Variants in SPRED1 observed in about 807,000 individuals in gnomAD.
SPRED1 encodes sprouty-related, EVH1 domain-containing protein 1.
A neutral mutation model predicts 52.3 loss-of-function variants in SPRED1; 18 were observed. That is an observed-to-expected ratio of 0.34 (90% CI 0.24 to 0.51). SPRED1 has a LOEUF of 0.51. Among genes scored for constraint, SPRED1 ranks in the 20% least tolerant of loss-of-function variants. The probability of loss-of-function intolerance (pLI) is 0.97; values close to 1 mark genes in which losing one functional copy is unlikely to be tolerated. For synonymous variants in SPRED1, 155 were observed against 179.7 expected (o/e 0.86, Z 1.10); for missense variants, 485 against 551.0 (o/e 0.88, Z 1.20).
intron 2 of SPRED1, among the ~76,000 whole-genome samples, chr15:38,320,262 A>G (rs1270815877): frequency 6.6e-6 from 1 of 152,204 alleles, no homozygotes; most frequent in Non-Finnish European, 1.5e-5. Flanking sequence ...AGAGATTCCT[A>G]GTCCATGATC....
intron 2 of SPRED1, among the ~76,000 whole-genome samples, chr15:38,310,354 T>C (rs1359419194): frequency 6.6e-6 from 1 of 152,130 alleles, no homozygotes; most frequent in Non-Finnish European, 1.5e-5. Context: ...TTGACCAGGC[T>C]TGTCTTGAAC....
In SPRED1 at chr15:38,286,122, A is replaced by G. The variant is rs144175495; in HGVS notation, c.33-13251A>G. Among the ~76,000 whole-genome samples the G allele has an allele frequency of 8.8e-3, 1,308 of 148,008 alleles. 7 individuals are homozygous for G. Among genetic ancestry groups the G allele is most frequent in the Non-Finnish European group, 0.015 (989 of 67,274 alleles). On this transcript the variant is annotated intron_variant, in intron 1 of 6. Transcript: ENST00000299084. ...TAGCCAGGTATGGTGGCAGGTGCCT[A>G]TGGTCACGCCTACTGAGCTGAAAAG...
chr15:38,299,699 T>A, intron 2 of SPRED1, 152 bp downstream of exon 2: 1 of 779,034 alleles, frequency 1.3e-6, no homozygotes, highest in Non-Finnish European at 2.1e-6. Context: ...AAATACAACA[T>A]TTTTTTTTCA....
At chr15:38,343,799 A>G (rs1367388652) in intron 5 of SPRED1, among the ~76,000 whole-genome samples, 2 of 152,160 alleles carry the variant, frequency 1.3e-5, no homozygotes, top group Non-Finnish European at 1.5e-5. Context: ...TGTGCTAGAT[A>G]CTGTTTTAAG....
At chr15:38,308,335 T>C (rs771042157) in intron 2 of SPRED1, among the ~76,000 whole-genome samples, 21 of 152,232 alleles carry the variant, frequency 1.4e-4, no homozygotes, top group Non-Finnish European at 2.9e-4. Flanking sequence ...TTTCTGTTGA[T>C]ACAATCTATC....
intron 1 of SPRED1, among the ~76,000 whole-genome samples, chr15:38,258,066 A>G (rs187665146): frequency 2.8e-4 from 43 of 152,342 alleles, no homozygotes; most frequent in Middle Eastern, 3.4e-3. Context: ...TAAGAGTAGT[A>G]GTTTATTTCA....
intron 2 of SPRED1, among the ~76,000 whole-genome samples, chr15:38,300,335 T>TA (rs1237386202): frequency 1.3e-5 from 2 of 152,192 alleles, no homozygotes; most frequent in Non-Finnish European, 2.9e-5. Context: ...AGCATACACT[T>TA]AGACGCAAAA....
At chr15:38,274,795 T>A (rs1482316215) in intron 1 of SPRED1, among the ~76,000 whole-genome samples, 1 of 152,238 alleles carries the variant, frequency 6.6e-6, no homozygotes, top group South Asian at 2.1e-4. Flanking sequence ...TGAAGAGTAC[T>A]GGCCAGGAAT....
intron 2 of SPRED1, among the ~76,000 whole-genome samples, chr15:38,321,555 A>G (rs911728105): frequency 6.6e-6 from 1 of 152,136 alleles, no homozygotes; most frequent in Admixed American, 6.6e-5. Flanking sequence ...CACAAAATAT[A>G]AATACGTCTT....
At chr15:38,275,937 T>C (rs1894542818) in intron 1 of SPRED1, among the ~76,000 whole-genome samples, 3 of 152,238 alleles carry the variant, frequency 2.0e-5, no homozygotes, top group Admixed American at 1.3e-4. Context: ...TCTTTCCACT[T>C]ACTCTCCTGT....
intron 5 of SPRED1, among the ~76,000 whole-genome samples, chr15:38,346,278 G>A (rs1896133172): frequency 6.7e-6 from 1 of 150,086 alleles, no homozygotes; most frequent in South Asian, 2.1e-4. Flanking sequence ...GTACGCCATT[G>A]CACCCAACCT....
intron 2 of SPRED1, among the ~76,000 whole-genome samples, chr15:38,302,264 A>G (rs1895161819): frequency 6.6e-6 from 1 of 152,200 alleles, no homozygotes; most frequent in Non-Finnish European, 1.5e-5. Flanking sequence ...GATGGCCCTT[A>G]TCAGTTATGA....
chr15:38,270,467 G>A (rs564267552), intron 1 of SPRED1, among the ~76,000 whole-genome samples: 3 of 152,216 alleles, frequency 2.0e-5, no homozygotes, highest in African/African-American at 7.2e-5. Context: ...TAAGAAAAGA[G>A]GTTTAATTAA....
chr15:38,329,761 G>T (rs1229904701), intron 4 of SPRED1, among the ~76,000 whole-genome samples: 1 of 152,050 alleles, frequency 6.6e-6, no homozygotes, highest in Non-Finnish European at 1.5e-5. Flanking sequence ...GAATATTTCT[G>T]CTTAGGTTTT....
chr15:38,314,858 T>TC (rs907229111), intron 2 of SPRED1, among the ~76,000 whole-genome samples: 1 of 151,886 alleles, frequency 6.6e-6, no homozygotes, highest in African/African-American at 2.4e-5. Flanking sequence ...TTCCTTTTTT[T>TC]CTCCCTCCTT....
intron 2 of SPRED1, among the ~76,000 whole-genome samples, chr15:38,302,373 C>G (rs147866002): frequency 7.2e-5 from 11 of 151,912 alleles, no homozygotes; most frequent in Admixed American, 5.2e-4. Flanking sequence ...ATATACTTTA[C>G]TGTTTTATTT....
chr15:38,267,229 A>T (rs1319814154), intron 1 of SPRED1, among the ~76,000 whole-genome samples: 1 of 46,074 alleles, frequency 2.2e-5, no homozygotes, highest in African/African-American at 5.8e-5. Flanking sequence ...CTAGTTTTTA[A>T]ATAATCATTT....
At position 38,355,698 on chromosome 15, in the gene SPRED1, G is replaced by A. The variant is rs1487624780; in HGVS notation, c.*4034G>A. On this transcript the variant is annotated 3_prime_UTR_variant, in exon 7 of 7. Transcript: ENST00000299084. ...TCCACATAAAACTTAGAAAACTTTA[G>A]TTACCTGAAAAGCAAGGATTCTTTA... 1 of 152,150 alleles carries A rather than the reference G, an allele frequency of 6.6e-6. No individual in the cohort carries two copies. Among genetic ancestry groups the A allele is most frequent in the Non-Finnish European group, 1.5e-5 (1 of 68,014 alleles). 9.4% of individuals were successfully genotyped at this position (152,150 alleles called of 1,614,324 possible). A position where few individuals can be genotyped will look rare whatever the true frequency, so the allele number is the denominator to read the frequency against.
chr15:38,343,396 A>G (rs1896066490), intron 5 of SPRED1, among the ~76,000 whole-genome samples: 1 of 152,184 alleles, frequency 6.6e-6, no homozygotes, highest in African/African-American at 2.4e-5. Flanking sequence ...AAAAATTGAT[A>G]GAGAAAGGCA....
Sources: gnomAD v4.1 joint callset for allele counts (sites outside exome capture counted in the v4.1 genomes callset) on GRCh38, gnomAD v4.1.1 for gene constraint, MANE v1.5 for transcripts, NCBI Gene and HGNC (gene_info 2026-07-23, HGNC 2026-07-21) for gene names.